Variants in TTC34 observed in about 807,000 individuals in gnomAD.
TTC34 encodes tetratricopeptide repeat domain 34, also known as tetratricopeptide repeat protein 34.
In TTC34, 44 loss-of-function variants were observed where a neutral mutation model predicts 40.7. The ratio of observed to expected loss-of-function variants is 1.08; its 90% CI spans 0.85 to 1.39. The LOEUF (loss-of-function observed/expected upper bound fraction) is 1.39. TTC34 is among the 40% of genes most tolerant of loss of function. TTC34 has a pLI of 0.00. For missense variants in TTC34, 884 were observed against 838.0 expected, an observed-to-expected ratio of 1.05 and a Z score of -0.68; for synonymous variants, 422 against 398.6, an observed-to-expected ratio of 1.06 and a Z score of -0.70.
In TTC34 at chr1:2,702,061, C is replaced by T. The variant is rs1329177200; in HGVS notation, c.2227-56498G>A. The stretch of plus-strand genomic sequence containing the variant: ...CATCTGATAGCCTGGAACAGAACCC[C>T]AGGCCTCCCAGTAAGCATCTGAAAG... On this transcript the variant is annotated intron_variant, in intron 6 of 8. Coordinates refer to ENST00000401095, the Ensembl canonical transcript of TTC34. 2.9e-5 allele frequency among the ~76,000 whole-genome samples: 3 copies of T among 104,372 alleles called. No homozygotes were observed. The East Asian group carries it at 8.2e-4, about 28-fold the overall frequency. 68.5% of individuals were successfully genotyped at this position (104,372 alleles called of 152,430 possible).
In TTC34 at chr1:2,796,380, A is replaced by ATGCTTG. The variant is rs1643710104; in HGVS notation, c.784+3658_784+3663dup. Among the ~76,000 whole-genome samples, 2 of 152,336 alleles carry ATGCTTG rather than the reference A, an allele frequency of 1.3e-5. No homozygotes were observed. The highest frequency in any genetic ancestry group is 4.1e-4 in the South Asian group (2 of 4,822). On this transcript the variant is annotated intron_variant, in intron 2 of 8. Transcript: ENST00000401095. The surrounding 1 kb of genome is among the most constrained non-coding windows in gnomAD (Gnocchi z 4.5). ...ATTTCTTCTCTTCTCATCGTAAGCC[A>ATGCTTG]TGCTTGTGCTGGTGCTGGCGATGTG...
At chr1:2,649,900 T>A (rs537395146) in intron 6 of TTC34, among the ~76,000 whole-genome samples, 465 of 96,264 alleles carry the variant, frequency 4.8e-3, no homozygotes, top group African/African-American at 0.016. Flanking sequence ...CCAAGTGAGC[T>A]TCTGACAGCC....
chr1:2,698,299 C>G lies in TTC34; in HGVS notation c.2227-52736G>C, dbSNP rs1308110128. ...CAGAACCCTGCACCCCCGGTGCGCA[C>G]GTGACAGCCTGGAACAGCACCCACA... On this transcript the variant is annotated intron_variant, in intron 6 of 8. Coordinates refer to ENST00000401095, the Ensembl canonical transcript of TTC34. Among the ~76,000 whole-genome samples the G allele has an allele frequency of 9.3e-5, 5 of 53,656 alleles. 2 individuals are homozygous for G. Among genetic ancestry groups the G allele is most frequent in the Admixed American group, 4.1e-4 (2 of 4,934 alleles). The allele number at this position is 53,656 out of a possible 152,430, so 35.2% of individuals were successfully genotyped here.
intron 6 of TTC34, among the ~76,000 whole-genome samples, chr1:2,756,589 A>ACC (rs1641512943): frequency 4.0e-5 from 1 of 24,780 alleles, no homozygotes; most frequent in African/African-American, 1.5e-4. Context: ...ACCCACACCA[A>ACC]CAGGTGAGCA....
chr1:2,655,432 C>A (rs60013479), intron 6 of TTC34, among the ~76,000 whole-genome samples: 5 of 112,920 alleles, frequency 4.4e-5, no homozygotes, highest in African/African-American at 3.4e-5. Flanking sequence ...GAGCATCCGA[C>A]AGCCTGGAGC....
chr1:2,777,745 C>T (rs1054408860), intron 6 of TTC34, among the ~76,000 whole-genome samples: 3 of 150,996 alleles, frequency 2.0e-5, no homozygotes, highest in Admixed American at 6.6e-5. Flanking sequence ...ACAGGCATGA[C>T]GGGGCGAGGG....
At chr1:2,652,089 G>A (rs796730234) in intron 6 of TTC34, among the ~76,000 whole-genome samples, 1 of 58,434 alleles carries the variant, frequency 1.7e-5, no homozygotes, top group Non-Finnish European at 3.3e-5. Flanking sequence ...CACACCCCCA[G>A]GTGAGCATCT....
At chr1:2,685,977 A>ATGGTCTGGAG (rs1640321653) in intron 6 of TTC34, among the ~76,000 whole-genome samples, 5 of 110,862 alleles carry the variant, frequency 4.5e-5, no homozygotes, top group African/African-American at 1.2e-4. Context: ...CGAGCATCTG[A>ATGGTCTGGAG]CTGCATGTAT....
At chr1:2,686,696 CG>C (rs1640367961) in intron 6 of TTC34, among the ~76,000 whole-genome samples, 1 of 33,688 alleles carries the variant, frequency 3.0e-5, no homozygotes, top group African/African-American at 1.2e-4. Flanking sequence ...CAGGTGCGCA[CG>C]TGACAGCCTG....
At chr1:2,649,812 C>T (rs1030908772) in intron 6 of TTC34, among the ~76,000 whole-genome samples, 1 of 152,122 alleles carries the variant, frequency 6.6e-6, no homozygotes, top group African/African-American at 2.4e-5. Context: ...TCGCACCTGG[C>T]TGATCATCTG....
chr1:2,673,237 C>G, intron 6 of TTC34, among the ~76,000 whole-genome samples: 3 of 78,398 alleles, frequency 3.8e-5, no homozygotes, highest in Non-Finnish European at 9.6e-5. Flanking sequence ...CAGCCACACC[C>G]CCAGGCGAGC....
chr1:2,790,083 G>A (rs1041235475), exon 3 of TTC34: 1 of 398,066 alleles, frequency 2.5e-6, no homozygotes, highest in Non-Finnish European at 4.4e-6. Flanking sequence ...GGGGCCAGCA[G>A]CTCGCGGCCC....
intron 3 of TTC34, among the ~76,000 whole-genome samples, chr1:2,788,163 A>G (rs1643615907): frequency 6.6e-6 from 1 of 152,240 alleles, no homozygotes; most frequent in Admixed American, 6.5e-5. Context: ...ATTTCCAGAG[A>G]ACAAATATAA....
At chr1:2,773,374 A>G (rs1204186148) in intron 6 of TTC34, among the ~76,000 whole-genome samples, 1 of 84,204 alleles carries the variant, frequency 1.2e-5, no homozygotes, top group African/African-American at 4.0e-5. Flanking sequence ...AGCAGCACCC[A>G]CACCCCCAGG....
intron 6 of TTC34, among the ~76,000 whole-genome samples, chr1:2,683,177 AGCGGAACCCACGGCC>A: frequency 7.1e-6 from 1 of 140,906 alleles, no homozygotes; most frequent in Non-Finnish European, 1.6e-5. Context: ...GGCAGCCTGG[AGCGGAACCCACGGCC>A]ACAGGCGAGC....
At chr1:2,641,960 G>A in intron 8 of TTC34, 65 bp from the exon 9 acceptor site, 1 of 1,419,142 alleles carries the variant, frequency 7.0e-7, no homozygotes, top group Non-Finnish European at 9.2e-7. Flanking sequence ...GGCCGCCCCT[G>A]CCCTGCAGAG....
rs573066364 is a variant in TTC34, at chr1:2,647,115, ATGTGCCTT to A, written c.2227-1560_2227-1553del. ...TTTTTTTTTCAGGAACTTGACCAAG[ATGTGCCTT>A]CTTAGGGGTGGTTCTCTTTCTATTT... On this transcript the variant is annotated intron_variant, in intron 6 of 8. Transcript: ENST00000401095. 2.4e-3 allele frequency among the ~76,000 whole-genome samples: 367 copies of A among 151,918 alleles called. 1 individual carries two copies. Among genetic ancestry groups the A allele is most frequent in the African/African-American group, 7.8e-3 (321 of 41,372 alleles).
intron 6 of TTC34, among the ~76,000 whole-genome samples, chr1:2,683,517 A>T (rs1216892182): frequency 2.0e-5 from 3 of 150,346 alleles, no homozygotes; most frequent in East Asian, 3.9e-4. Flanking sequence ...CCACACCACC[A>T]GGTGAGCATC....
At chr1:2,644,893 A>T (rs1638987466) in intron 7 of TTC34, among the ~76,000 whole-genome samples, 1 of 152,118 alleles carries the variant, frequency 6.6e-6, no homozygotes. Flanking sequence ...GGATGTGGAA[A>T]TCCGCGGGAA....
Sources: allele counts gnomAD v4.1 joint callset (sites outside exome capture counted in the v4.1 genomes callset), GRCh38; gene constraint gnomAD v4.1.1; non-coding constraint Gnocchi (gnomAD v3.1); transcripts MANE v1.5; gene names NCBI Gene and HGNC (gene_info 2026-07-23, HGNC 2026-07-21).